The following CACNA2D1 variants were observed in gnomAD, a reference collection of about 807,000 sequenced individuals.
The protein encoded by CACNA2D1 is voltage-dependent calcium channel subunit alpha-2/delta-1.
Under a neutral mutation model 171.5 loss-of-function variants are expected in CACNA2D1, and 53 were observed. The observed-to-expected ratio is 0.31, with a 90% confidence interval of 0.25 to 0.39. The LOEUF (loss-of-function observed/expected upper bound fraction) is 0.39, where lower values mean the gene tolerates loss of function less well. Among genes scored for constraint, CACNA2D1 ranks in the 10% least tolerant of loss-of-function variants. CACNA2D1 has a pLI of 1.00. For missense variants in CACNA2D1, 903 were observed against 1,299.8 expected (o/e 0.69, Z 4.69); for synonymous variants, 442 against 443.1 (o/e 1.00, Z 0.03).
At chr7:82,393,637 C>T (rs1244803627) in intron 1 of CACNA2D1, among the ~76,000 whole-genome samples, 1 of 152,064 alleles carries the variant, frequency 6.6e-6, no homozygotes, top group Non-Finnish European at 1.5e-5. Context: ...ATACAAATAT[C>T]TGTCCCTACC....
intron 3 of CACNA2D1, among the ~76,000 whole-genome samples, chr7:82,261,159 TG>T (rs1268359534): frequency 1.3e-5 from 2 of 152,184 alleles, no homozygotes; most frequent in African/African-American, 4.8e-5. Flanking sequence ...TTTACCATGT[TG>T]GCCAGGCTGG....
intron 14 of CACNA2D1, 27 bp from the exon 15 acceptor site, chr7:82,012,270 C>A (rs772768237): frequency 4.9e-6 from 5 of 1,023,158 alleles, no homozygotes; most frequent in East Asian, 2.7e-5. Flanking sequence ...AAAAAAAAGT[C>A]GTGGTTAAAA....
intron 6 of CACNA2D1, among the ~76,000 whole-genome samples, chr7:82,101,985 A>C (rs1181527366): frequency 3.3e-5 from 5 of 152,162 alleles, no homozygotes; most frequent in African/African-American, 9.7e-5. Context: ...GTATTCAGGT[A>C]ATATATTGAT....
At chr7:82,133,854 G>A (rs538980712) in intron 5 of CACNA2D1, among the ~76,000 whole-genome samples, 2 of 152,190 alleles carry the variant, frequency 1.3e-5, no homozygotes, top group African/African-American at 4.8e-5. Context: ...GGGTGGATCA[G>A]GAGGTCAGGA....
chr7:82,442,321 G>T (rs903228292), intron 1 of CACNA2D1, among the ~76,000 whole-genome samples: 6 of 152,136 alleles, frequency 3.9e-5, no homozygotes, highest in Non-Finnish European at 5.9e-5. Flanking sequence ...AAGCTACCTT[G>T]GGCTTTGTTT....
intron 3 of CACNA2D1, among the ~76,000 whole-genome samples, chr7:82,305,871 G>A (rs911788487): frequency 5.3e-5 from 8 of 152,144 alleles, no homozygotes; most frequent in Admixed American, 1.3e-4. Flanking sequence ...AGCTGCAGTC[G>A]AGGGAACTCA....
At position 82,191,552 on chromosome 7, in the gene CACNA2D1, G is replaced by A. The variant is rs868679120; in HGVS notation, c.295-20943C>T. Among the ~76,000 whole-genome samples, 8 of 151,842 alleles carry A rather than the reference G, an allele frequency of 5.3e-5. No homozygotes were observed. The Middle Eastern group carries it at 0.01, about 195-fold the overall frequency. ...CAAGTTGCTTTGACAATTACCCCGTGTAAAATCTTTGGTTTTTCCTTCTAC... is the reference window on the plus strand; with the variant it reads ...CAAGTTGCTTTGACAATTACCCCGTATAAAATCTTTGGTTTTTCCTTCTAC... On this transcript the variant is annotated intron_variant, in intron 3 of 38. Coordinates refer to ENST00000356860, the MANE Select transcript of CACNA2D1 (RefSeq NM_000722.4).
At chr7:82,276,028 G>A (rs560099428) in intron 3 of CACNA2D1, among the ~76,000 whole-genome samples, 5 of 152,194 alleles carry the variant, frequency 3.3e-5, no homozygotes, top group South Asian at 2.1e-4. Flanking sequence ...CAGGCAAACC[G>A]GTAGGCAGGT....
rs181259091 is a variant in CACNA2D1, at chr7:82,381,250, C to T, written c.96-31601G>A. Among the ~76,000 whole-genome samples, 408 of 146,914 alleles carry T rather than the reference C, an allele frequency of 2.8e-3. 2 individuals are homozygous for T. The highest frequency in any genetic ancestry group is 4.2e-3 in the Non-Finnish European group (281 of 67,418). On this transcript the variant is annotated intron_variant, in intron 1 of 38. Coordinates refer to ENST00000356860, the MANE Select transcript of CACNA2D1 (RefSeq NM_000722.4). Reference sequence around the variant, plus strand: ...AATGGCGTGAACCCGGCAGGCGGAGCTTGCAGTGAGCTGAGATCGCGCCAT... The same window carrying T: ...AATGGCGTGAACCCGGCAGGCGGAGTTTGCAGTGAGCTGAGATCGCGCCAT...
intron 1 of CACNA2D1, among the ~76,000 whole-genome samples, chr7:82,428,103 TAAATA>T (rs1829350437): frequency 1.8e-5 from 2 of 111,472 alleles, no homozygotes; most frequent in African/African-American, 1.2e-4. Flanking sequence ...AAATAAAAAA[TAAATA>T]AAAAAAAAAC....
chr7:82,019,345 A>T (rs1282243477), intron 12 of CACNA2D1, among the ~76,000 whole-genome samples: 4 of 152,180 alleles, frequency 2.6e-5, no homozygotes, highest in African/African-American at 9.7e-5. Flanking sequence ...AACAAAAAAA[A>T]TTAAATTCCT....
intron 3 of CACNA2D1, among the ~76,000 whole-genome samples, chr7:82,311,022 G>A (rs888560785): frequency 6.6e-6 from 1 of 152,054 alleles, no homozygotes; most frequent in Non-Finnish European, 1.5e-5. Flanking sequence ...TGTCAAATAA[G>A]AAATGATGTT....
At chr7:81,976,636 C>T (rs199664472) in intron 24 of CACNA2D1, among the ~76,000 whole-genome samples, 5 of 152,132 alleles carry the variant, frequency 3.3e-5, no homozygotes, top group African/African-American at 1.2e-4. Context: ...AGGCAGATCA[C>T]GAGGTCAAGA....
rs533120572 is a variant in CACNA2D1, at chr7:82,334,371, G to A, written c.294+764C>T. ...CTTACACATAAGTACTAGGAGACTT[G>A]TTCAAGAAAATTCAGCAGCACTATT... On this transcript the variant is annotated intron_variant, in intron 3 of 38. Coordinates refer to ENST00000356860, the MANE Select transcript of CACNA2D1 (RefSeq NM_000722.4). Among the ~76,000 whole-genome samples the A allele has an allele frequency of 3.3e-5, 5 of 152,236 alleles. No homozygotes were observed. In the South Asian group the frequency reaches 8.3e-4, roughly 25 times the overall value.
chr7:82,188,226 A>G (rs1412963482), intron 3 of CACNA2D1, among the ~76,000 whole-genome samples: 1 of 152,152 alleles, frequency 6.6e-6, no homozygotes, highest in Non-Finnish European at 1.5e-5. Context: ...AGCCTCTAGC[A>G]TGATTTAATC....
At chr7:82,340,729 A>T (rs1265074530) in intron 2 of CACNA2D1, among the ~76,000 whole-genome samples, 1 of 152,172 alleles carries the variant, frequency 6.6e-6, no homozygotes, top group Non-Finnish European at 1.5e-5. Context: ...TTACCTTCAC[A>T]ATTGTGTGAG....
intron 3 of CACNA2D1, among the ~76,000 whole-genome samples, chr7:82,195,623 C>T (rs1798769723): frequency 1.3e-5 from 2 of 151,552 alleles, no homozygotes; most frequent in African/African-American, 4.8e-5. Flanking sequence ...TGTTATCTCT[C>T]CCAGAGTCTA....
At chr7:82,185,403 G>A (rs150202331) in intron 3 of CACNA2D1, among the ~76,000 whole-genome samples, 4 of 146,922 alleles carry the variant, frequency 2.7e-5, no homozygotes, top group African/African-American at 1.0e-4. Context: ...AACTCAAAAG[G>A]AGCAATGTTA....
intron 5 of CACNA2D1, among the ~76,000 whole-genome samples, chr7:82,132,895 T>G (rs547177979): frequency 6.6e-6 from 1 of 152,158 alleles, no homozygotes; most frequent in African/African-American, 2.4e-5. Flanking sequence ...CAATGAAAAA[T>G]TTTCAGTATA....
Sources: allele counts gnomAD v4.1 joint callset (sites outside exome capture counted in the v4.1 genomes callset), GRCh38; gene constraint gnomAD v4.1.1; transcripts MANE v1.5; gene names NCBI Gene and HGNC (gene_info 2026-07-23, HGNC 2026-07-21).